TNKS: variants seen among roughly 807,000 people sequenced by gnomAD.
The protein encoded by TNKS is poly [ADP-ribose] polymerase tankyrase-1.
A neutral mutation model predicts 135.8 loss-of-function variants in TNKS; 72 were observed. The observed-to-expected ratio is 0.53, with a 90% CI of 0.44 to 0.64. TNKS has a LOEUF of 0.64. TNKS is among the 30% of genes least tolerant of loss of function. TNKS has a pLI of 0.00. For synonymous variants in TNKS, 849 were observed against 649.3 expected (o/e 1.31, Z -4.68); for missense variants, 1,769 against 1,674.0 (o/e 1.06, Z -0.99).
At chr8:9,669,475 T>C (rs949528239) in intron 3 of TNKS, among the ~76,000 whole-genome samples, 2 of 150,990 alleles carry the variant, frequency 1.3e-5, no homozygotes, top group South Asian at 4.2e-4. Flanking sequence ...GGACAAGGCA[T>C]TGTATGGATT....
chr8:9,577,635 C>A (rs1798002234), intron 1 of TNKS, among the ~76,000 whole-genome samples: 1 of 152,146 alleles, frequency 6.6e-6, no homozygotes. Flanking sequence ...AAATCTGCCT[C>A]CATGATCCAC....
At chr8:9,581,865 C>T (rs900967959) in intron 2 of TNKS, among the ~76,000 whole-genome samples, 1 of 152,100 alleles carries the variant, frequency 6.6e-6, no homozygotes, top group African/African-American at 2.4e-5. Context: ...AATGTAAATG[C>T]TCTTTTTATC....
intron 5 of TNKS, among the ~76,000 whole-genome samples, chr8:9,701,470 A>G (rs1252448295): frequency 3.9e-5 from 6 of 152,232 alleles, no homozygotes; most frequent in African/African-American, 1.2e-4. Context: ...CTTACTGACC[A>G]GTCCTCCAAA....
intron 1 of TNKS, chr8:9,558,829 T>C (rs1456124388): frequency 6.6e-6 from 1 of 152,194 alleles, no homozygotes; most frequent in African/African-American, 2.4e-5. Context: ...TATGAAAACA[T>C]AATGTCCTGT....
At chr8:9,678,025 G>A (rs940909207) in intron 3 of TNKS, among the ~76,000 whole-genome samples, 1 of 151,994 alleles carries the variant, frequency 6.6e-6, no homozygotes, top group South Asian at 2.1e-4. Context: ...TACACTGGCT[G>A]GTAAGCTCTC....
At chr8:9,616,507 T>A (rs1215875354) in intron 3 of TNKS, among the ~76,000 whole-genome samples, 1 of 152,220 alleles carries the variant, frequency 6.6e-6, no homozygotes, top group African/African-American at 2.4e-5. Flanking sequence ...GACTTTTAAC[T>A]ACCTTTTAAA....
At chr8:9,579,590 T>C (rs770023986) in intron 1 of TNKS, among the ~76,000 whole-genome samples, 2 of 152,196 alleles carry the variant, frequency 1.3e-5, no homozygotes, top group Non-Finnish European at 2.9e-5. Context: ...TGCCTCAGCC[T>C]CCCAAGTAGG....
Position 9,770,120 on chromosome 8 carries a change from G to C in TNKS, c.3755G>C (p.Cys1252Ser). The change falls in exon 26 of 27, where the codon TGT becomes TCT. Residue 1252 changes from cysteine to serine, a missense_variant. Physicochemically the swap from Cys to Ser is moderately radical, Grantham distance 112 (BLOSUM62 -1). Coordinates refer to ENST00000310430, the MANE Select transcript of TNKS (RefSeq NM_003747.3). The stretch of plus-strand genomic sequence containing the variant: ...TTTTTCCTTAGACAAATGCTCTTCT[G>C]TAGAGTGACCCTTGGGAAATCCTTT... ...CYICHRQMLF[C>S]RVTLGKSFLQ... is the part of the protein sequence containing the mutation. 6.2e-7 allele frequency: 1 copy of C among 1,612,654 alleles called. No homozygotes were observed. Among genetic ancestry groups the C allele is most frequent in the Non-Finnish European group, 8.5e-7 (1 of 1,179,688 alleles).
chr8:9,598,481 G>C (rs1798876634), intron 2 of TNKS, among the ~76,000 whole-genome samples: 1 of 151,852 alleles, frequency 6.6e-6, no homozygotes, highest in Non-Finnish European at 1.5e-5. Context: ...TGTAACTAGT[G>C]ATAAAAATAT....
chr8:9,763,063 A>G, intron 21 of TNKS, 84 bp from the exon 22 acceptor site: 1 of 362,516 alleles, frequency 2.8e-6, no homozygotes, highest in South Asian at 1.1e-4. Flanking sequence ...CTTATTATGA[A>G]TTTTTTTTTT....
intron 20 of TNKS, among the ~76,000 whole-genome samples, chr8:9,753,694 A>G (rs1208972937): frequency 6.6e-6 from 1 of 152,248 alleles, no homozygotes; most frequent in East Asian, 1.9e-4. Context: ...TCCCAGGTGT[A>G]GGGATCACCC....
In TNKS at chr8:9,735,094, C is replaced by A; in HGVS notation, c.2533+10C>A. ...CCTCTGCACCTGGCAGGTAAGCGCC[C>A]CCAGTGCCTCCAAGCCTCCTTTTCC... On this transcript the variant is annotated intron_variant, in intron 16 of 26. Transcript: ENST00000310430. 1 of 1,610,140 alleles carries A rather than the reference C, an allele frequency of 6.2e-7. No homozygotes were observed. Among genetic ancestry groups the A allele is most frequent in the Non-Finnish European group, 8.5e-7 (1 of 1,178,474 alleles).
At chr8:9,716,716 CTCTT>C (rs1482923097) in intron 11 of TNKS, among the ~76,000 whole-genome samples, 3 of 151,940 alleles carry the variant, frequency 2.0e-5, no homozygotes, top group African/African-American at 7.3e-5. Context: ...GTCTTTCTCT[CTCTT>C]TCTCTTTCTC....
Position 9,730,945 on chromosome 8 carries a change from C to T in TNKS, c.2057C>T (p.Thr686Met), listed in dbSNP as rs577327188. ...NCRDLEGRHS[T>M]PLHFAAGYNR... ...AGAGACTTAGAGGGCCGGCATTCCA[C>T]GCCCTTACACTTCGCAGCAGGCTAC... Residue 686 changes from threonine (T) to methionine (M), a missense_variant, in exon 14 of 27, where the codon ACG (threonine) becomes ATG (methionine). By Grantham distance (81) the Thr-to-Met change is moderately conservative. Around this residue, in one of 5 missense-constraint regions of TNKS, gnomAD observed 69 missense variants for 120.3 expected, o/e 0.57. Coordinates refer to ENST00000310430, the MANE Select transcript of TNKS (RefSeq NM_003747.3). 2.5e-6 allele frequency: 4 copies of T among 1,613,988 alleles called. No homozygotes were observed. Among genetic ancestry groups the T allele is most frequent in the African/African-American group, 2.7e-5 (2 of 74,934 alleles).
At chr8:9,610,689 A>T (rs10088037) in intron 2 of TNKS, among the ~76,000 whole-genome samples, 6 of 151,768 alleles carry the variant, frequency 4.0e-5, no homozygotes, top group Non-Finnish European at 7.4e-5. Flanking sequence ...TTCTTAAAGC[A>T]TTAGATGCTT....
At chr8:9,653,747 C>G (rs1801234790) in intron 3 of TNKS, among the ~76,000 whole-genome samples, 1 of 152,142 alleles carries the variant, frequency 6.6e-6, no homozygotes, top group Non-Finnish European at 1.5e-5. Context: ...TGGAGACAAA[C>G]CACATCCAGC....
At chr8:9,669,882 T>G (rs1802189839) in intron 3 of TNKS, among the ~76,000 whole-genome samples, 1 of 152,162 alleles carries the variant, frequency 6.6e-6, no homozygotes, top group South Asian at 2.1e-4. Context: ...GAAAGCAATT[T>G]TGCTAAATAT....
At chr8:9,672,709 C>A (rs370020709) in intron 3 of TNKS, among the ~76,000 whole-genome samples, 2,242 of 91,506 alleles carry the variant, frequency 0.025, 37 homozygotes, top group South Asian at 0.041. Flanking sequence ...CACACACACA[C>A]ACAAAAAAAA....
chr8:9,775,419 G>C (rs1261239034), intron 26 of TNKS, among the ~76,000 whole-genome samples: 1 of 138,648 alleles, frequency 7.2e-6, no homozygotes, highest in African/African-American at 2.6e-5. Context: ...ACTAAAATCA[G>C]AGCAGACTGG....
Sources: gnomAD v4.1 joint callset for allele counts (sites outside exome capture counted in the v4.1 genomes callset) on GRCh38, gnomAD v4.1.1 for gene constraint, gnomAD v4.1.1 regional missense constraint, MANE v1.5 for transcripts, NCBI Gene and HGNC (gene_info 2026-07-23, HGNC 2026-07-21) for gene names.